The following THOC2 variants were observed in gnomAD, a reference collection of about 807,000 sequenced individuals.
THOC2 encodes the protein THO complex subunit 2.
In THOC2, 10 loss-of-function variants were observed where a neutral mutation model predicts 128.4. The ratio of observed to expected loss-of-function variants is 0.08; its 90% CI spans 0.05 to 0.13. The LOEUF (loss-of-function observed/expected upper bound fraction) is 0.13, where lower values mean the gene tolerates loss of function less well. THOC2 is among the 10% of genes least tolerant of loss of function. The pLI is 1.00. For synonymous variants in THOC2, 393 were observed against 396.9 expected (o/e 0.99, Z 0.12); for missense variants, 535 against 1,155.7 (o/e 0.46, Z 7.79).
intron 1 of THOC2, among the ~76,000 whole-genome samples, chrX:123,721,170 TTTTG>T (rs777903473): frequency 3.7e-4 from 41 of 110,149 alleles, no homozygotes; most frequent in African/African-American, 1.3e-3. Context: ...TGCTGGTTTT[TTTTG>T]TTTGTTTGTT....
At chrX:123,720,823 T>C (rs928936220) in intron 1 of THOC2, among the ~76,000 whole-genome samples, 6 of 112,008 alleles carry the variant, frequency 5.4e-5, no homozygotes, top group South Asian at 3.7e-4. Flanking sequence ...ACAGGACAAA[T>C]ACTGTATGAT....
At chrX:123,697,238 C>T (rs770843870) in intron 5 of THOC2, among the ~76,000 whole-genome samples, 1 of 111,918 alleles carries the variant, frequency 8.9e-6, no homozygotes, top group African/African-American at 3.2e-5. Flanking sequence ...CACGGCAGTT[C>T]TCCCTGGTTC....
intron 4 of THOC2, among the ~76,000 whole-genome samples, chrX:123,701,129 G>A (rs911763993): frequency 9.0e-6 from 1 of 111,534 alleles, no homozygotes; most frequent in African/African-American, 3.3e-5. Context: ...AAGGTGGACA[G>A]ATCACTTGAG....
chrX:123,602,672 T>C (rs2046323645), intron 38 of THOC2: 2 of 111,176 alleles, frequency 1.8e-5, no homozygotes, highest in African/African-American at 3.3e-5. Context: ...TTGCACAACA[T>C]AGTGGATATA....
At chrX:123,709,749 A>T (rs992191900) in intron 2 of THOC2, among the ~76,000 whole-genome samples, 1 of 112,129 alleles carries the variant, frequency 8.9e-6, no homozygotes, top group African/African-American at 3.2e-5. Context: ...AATAGCTAGA[A>T]GGAATTTTTA....
chrX:123,693,793 G>A (rs185202385), intron 7 of THOC2, among the ~76,000 whole-genome samples: 1 of 111,248 alleles, frequency 9.0e-6, no homozygotes, highest in East Asian at 2.8e-4. Context: ...AATAATCAGG[G>A]AATAGCAGGG....
intron 1 of THOC2, among the ~76,000 whole-genome samples, chrX:123,714,600 T>G (rs2051328738): frequency 9.0e-6 from 1 of 111,614 alleles, no homozygotes; most frequent in African/African-American, 3.3e-5. Context: ...AACAGAAGAC[T>G]TGAATAATAC....
At chrX:123,611,720 A>C (rs921989409) in intron 36 of THOC2, among the ~76,000 whole-genome samples, 2 of 108,446 alleles carry the variant, frequency 1.8e-5, no homozygotes, top group Admixed American at 2.0e-4. Flanking sequence ...GAACACTATC[A>C]AGAAAGTGAA....
intron 24 of THOC2, 113 bp downstream of exon 24, chrX:123,626,408 A>G (rs759049398): frequency 1.3e-6 from 1 of 783,829 alleles, no homozygotes; most frequent in Non-Finnish European, 1.8e-6. Context: ...AGAATGGGAT[A>G]GGGAACACTG....
At chrX:123,677,655 G>A (rs997558209) in intron 8 of THOC2, among the ~76,000 whole-genome samples, 18 of 110,295 alleles carry the variant, frequency 1.6e-4, no homozygotes, top group African/African-American at 5.6e-4. Flanking sequence ...GATCACCTGA[G>A]GTCAGGAGTT....
In THOC2 at chrX:123,662,778, C is replaced by T. The variant is rs1382564466; in HGVS notation, c.1386+2864G>A. Among the ~76,000 whole-genome samples, 3 of 110,983 alleles carry T rather than the reference C, an allele frequency of 2.7e-5. 1 individual carries two copies. Among genetic ancestry groups the T allele is most frequent in the Non-Finnish European group, 3.8e-5 (2 of 53,006 alleles). On this transcript the variant is annotated intron_variant, in intron 12 of 38. Coordinates refer to ENST00000245838, the MANE Select transcript of THOC2 (RefSeq NM_001081550.2). ...AACTCAATAATAAAAAGACAAATAACGCAACTTAAAAATGTGCAAGAGACA... is the reference window on the plus strand; with the variant it reads ...AACTCAATAATAAAAAGACAAATAATGCAACTTAAAAATGTGCAAGAGACA...
intron 2 of THOC2, among the ~76,000 whole-genome samples, chrX:123,709,508 A>G (rs1024006276): frequency 1.3e-4 from 14 of 111,036 alleles, no homozygotes; most frequent in African/African-American, 2.0e-4. Context: ...GGAGAATGGC[A>G]TGAACCCAGG....
chrX:123,716,189 A>G lies in THOC2; in HGVS notation c.72-3281T>C, dbSNP rs1251456587. 2.7e-5 allele frequency among the ~76,000 whole-genome samples: 3 copies of G among 112,954 alleles called. No individual in the cohort carries two copies. The Admixed American group carries it at 2.8e-4, about 11-fold the overall frequency. Reference sequence around the variant, plus strand: ...ACATACACTAAATGTGACACATTACACTAACAAAATGAAGGATAAAAATCA... The same window carrying G: ...ACATACACTAAATGTGACACATTACGCTAACAAAATGAAGGATAAAAATCA... On this transcript the variant is annotated intron_variant, in intron 1 of 38. Coordinates refer to ENST00000245838, the MANE Select transcript of THOC2 (RefSeq NM_001081550.2).
chrX:123,663,418 G>C (rs1041613976), intron 12 of THOC2, among the ~76,000 whole-genome samples: 1 of 111,062 alleles, frequency 9.0e-6, no homozygotes, highest in Admixed American at 9.6e-5. Flanking sequence ...AACAGCAATG[G>C]AAGGAGGGAA....
chrX:123,620,805 G>C, intron 32 of THOC2, 102 bp downstream of exon 32: 2 of 766,803 alleles, frequency 2.6e-6, no homozygotes, highest in South Asian at 6.5e-5. Context: ...ACCTCCAGTG[G>C]CTCCAGTGAA....
At chrX:123,694,117 C>T (rs1162055146) in intron 7 of THOC2, among the ~76,000 whole-genome samples, 1 of 108,262 alleles carries the variant, frequency 9.2e-6, no homozygotes, top group Non-Finnish European at 1.9e-5. Context: ...GGTATAAACT[C>T]ACAAGAAATA....
At chrX:123,647,020 A>G (rs1345807762) in intron 12 of THOC2, among the ~76,000 whole-genome samples, 1 of 111,853 alleles carries the variant, frequency 8.9e-6, no homozygotes, top group African/African-American at 3.3e-5. Flanking sequence ...ACATTTTCTT[A>G]TTTACTAAGT....
At chrX:123,607,239 T>C (rs762503343) in intron 38 of THOC2, among the ~76,000 whole-genome samples, 1 of 110,377 alleles carries the variant, frequency 9.1e-6, no homozygotes, top group South Asian at 3.9e-4. Flanking sequence ...GACAGAAGAC[T>C]GGAAGGAATT....
At position 123,733,027 on chromosome X, in the gene THOC2, C is replaced by T; in HGVS notation, c.-5G>A. On this transcript the variant is annotated 5_prime_UTR_variant, in exon 1 of 39. Transcript: ENST00000245838. ...CACCACAGCCGCGGCCGCCATCTTCCTCTCACTAGTAGCAGAAGCCCGGAT... is the reference window on the plus strand; with the variant it reads ...CACCACAGCCGCGGCCGCCATCTTCTTCTCACTAGTAGCAGAAGCCCGGAT... 1 of 1,210,721 alleles carries T rather than the reference C, an allele frequency of 8.3e-7. No homozygotes were observed. The highest frequency in any genetic ancestry group is 1.1e-6 in the Non-Finnish European group (1 of 894,429).
Sources: gnomAD v4.1 joint callset for allele counts (sites outside exome capture counted in the v4.1 genomes callset) on GRCh38, gnomAD v4.1.1 for gene constraint, MANE v1.5 for transcripts, NCBI Gene and HGNC (gene_info 2026-07-23, HGNC 2026-07-21) for gene names.